The following CTNND2 variants were observed in gnomAD, a reference collection of about 807,000 sequenced individuals.
The protein encoded by CTNND2 is catenin delta 2.
In CTNND2, 22 loss-of-function variants were observed where a neutral mutation model predicts 144.4. The ratio of observed to expected loss-of-function variants is 0.15; its 90% CI spans 0.11 to 0.22. CTNND2 has a LOEUF of 0.22. Among genes scored for constraint, CTNND2 ranks in the 10% least tolerant of loss-of-function variants. The pLI is 1.00. For synonymous variants in CTNND2, 751 were observed against 695.6 expected, an observed-to-expected ratio of 1.08 and a Z score of -1.25; for missense variants, 1,353 against 1,618.8, an observed-to-expected ratio of 0.84 and a Z score of 2.82.
At chr5:10,977,795 C>A (rs1736683604) in intron 21 of CTNND2, among the ~76,000 whole-genome samples, 1 of 152,194 alleles carries the variant, frequency 6.6e-6, no homozygotes, top group Non-Finnish European at 1.5e-5. Flanking sequence ...TGACCTCAGA[C>A]ATTCAAACCA....
At position 11,396,572 on chromosome 5, in the gene CTNND2, G is replaced by T. The variant is rs556733190; in HGVS notation, c.612+459C>A. Among the ~76,000 whole-genome samples the T allele has an allele frequency of 2.0e-5, 3 of 152,190 alleles. No homozygotes were observed. In the South Asian group the frequency reaches 6.2e-4, roughly 32 times the overall value. On this transcript the variant is annotated intron_variant, in intron 6 of 21. Transcript: ENST00000304623. ...TCACAATCATTTTCCAAACAGTTCT[G>T]TTTACCTGATTACACATTTATAGTA...
chr5:11,391,836 G>C (rs987423404), intron 6 of CTNND2, among the ~76,000 whole-genome samples: 4 of 152,192 alleles, frequency 2.6e-5, no homozygotes, highest in African/African-American at 9.7e-5. Context: ...GAAGGGCTGG[G>C]TTTACCTGGT....
At chr5:11,769,112 T>C (rs977148587) in intron 1 of CTNND2, among the ~76,000 whole-genome samples, 1 of 152,142 alleles carries the variant, frequency 6.6e-6, no homozygotes, top group African/African-American at 2.4e-5. Context: ...ATTCTAGGCA[T>C]CAGACTCAGA....
intron 2 of CTNND2, among the ~76,000 whole-genome samples, chr5:11,730,997 A>G (rs1787358712): frequency 6.6e-6 from 1 of 152,194 alleles, no homozygotes; most frequent in South Asian, 2.1e-4. Context: ...ATTTCCCCTA[A>G]AACATAATCA....
chr5:11,305,670 C>A (rs759103757), intron 9 of CTNND2, among the ~76,000 whole-genome samples: 2 of 152,196 alleles, frequency 1.3e-5, no homozygotes, highest in Non-Finnish European at 2.9e-5. Context: ...TAACAAGGAG[C>A]ACCTGCCTCT....
chr5:11,865,902 C>CAAAAAAAAAAACAA (rs1795741511), intron 1 of CTNND2, among the ~76,000 whole-genome samples: 1 of 87,426 alleles, frequency 1.1e-5, no homozygotes, highest in Non-Finnish European at 2.2e-5. Context: ...CTGGAAGAGA[C>CAAAAAAAAAAACAA]AAAAAAAAAA....
chr5:10,977,457 C>CTT (rs34882307), intron 21 of CTNND2, among the ~76,000 whole-genome samples: 7 of 145,578 alleles, frequency 4.8e-5, no homozygotes, highest in Non-Finnish European at 9.1e-5. Context: ...ATAGTTAAGT[C>CTT]TTTTTTTTTT....
rs114365066 is a variant in CTNND2 at position 11,382,258 on chromosome 5, C to G, written c.1177+2407G>C. On this transcript the variant is annotated intron_variant, in intron 7 of 21. Coordinates refer to ENST00000304623, the MANE Select transcript of CTNND2 (RefSeq NM_001332.4). Reference sequence around the variant, plus strand: ...CCAAGGATTTTGGCTGATTTCTTATCCCTAGGATCTAAATCAATGGCAGTA... The same window carrying G: ...CCAAGGATTTTGGCTGATTTCTTATGCCTAGGATCTAAATCAATGGCAGTA... 6.6e-3 allele frequency among the ~76,000 whole-genome samples: 1,012 copies of G among 152,260 alleles called. 3 individuals carry two copies. Among genetic ancestry groups the G allele is most frequent in the Non-Finnish European group, 9.6e-3 (655 of 68,014 alleles).
chr5:11,701,408 A>G (rs1480436586), intron 2 of CTNND2, among the ~76,000 whole-genome samples: 1 of 152,226 alleles, frequency 6.6e-6, no homozygotes, highest in African/African-American at 2.4e-5. Flanking sequence ...TGACAACCTA[A>G]TAACAATATC....
intron 3 of CTNND2, among the ~76,000 whole-genome samples, chr5:11,450,898 CAAAAAAAAAA>C (rs758941655): frequency 0.01 from 816 of 81,516 alleles, 7 homozygotes; most frequent in Non-Finnish European, 0.013. Flanking sequence ...AACTCCATCT[CAAAAAAAAAA>C]AAAAAAAAAA....
chr5:11,719,443 T>C (rs1267024093), intron 2 of CTNND2, among the ~76,000 whole-genome samples: 1 of 152,162 alleles, frequency 6.6e-6, no homozygotes, highest in Non-Finnish European at 1.5e-5. Context: ...AGACTTGTGG[T>C]GGAGACAATG....
At chr5:11,770,166 G>A (rs919994301) in intron 1 of CTNND2, among the ~76,000 whole-genome samples, 1 of 152,108 alleles carries the variant, frequency 6.6e-6, no homozygotes, top group Non-Finnish European at 1.5e-5. Flanking sequence ...CTAGGGCTTA[G>A]GAGACCTCAC....
chr5:11,834,467 T>G (rs1794067996), intron 1 of CTNND2, among the ~76,000 whole-genome samples: 1 of 152,356 alleles, frequency 6.6e-6, no homozygotes, highest in African/African-American at 2.4e-5. Flanking sequence ...GTGAGGGTGA[T>G]GAATATGTTA....
chr5:11,164,744 AGAG>A (rs1310135410), intron 11 of CTNND2, among the ~76,000 whole-genome samples: 1 of 152,230 alleles, frequency 6.6e-6, no homozygotes, highest in African/African-American at 2.4e-5. Flanking sequence ...CTAAACTCAG[AGAG>A]GCTTTCCTGG....
At chr5:11,332,446 T>C (rs1753269556) in intron 9 of CTNND2, among the ~76,000 whole-genome samples, 1 of 152,118 alleles carries the variant, frequency 6.6e-6, no homozygotes, top group Non-Finnish European at 1.5e-5. Flanking sequence ...CTGGCCAGCC[T>C]GTAGTTGTCT....
intron 1 of CTNND2, among the ~76,000 whole-genome samples, chr5:11,772,051 GT>G (rs1249248652): frequency 6.6e-6 from 1 of 152,120 alleles, no homozygotes; most frequent in Admixed American, 6.6e-5. Flanking sequence ...TCTTGGCCAT[GT>G]TTACTTATTT....
chr5:11,783,993 C>T (rs529931332), intron 1 of CTNND2, among the ~76,000 whole-genome samples: 1 of 152,280 alleles, frequency 6.6e-6, no homozygotes, highest in Admixed American at 6.5e-5. Context: ...GCTGGTGACC[C>T]AGCCACGTTC....
At chr5:11,773,977 T>A (rs926798155) in intron 1 of CTNND2, among the ~76,000 whole-genome samples, 4 of 152,136 alleles carry the variant, frequency 2.6e-5, no homozygotes, top group African/African-American at 9.7e-5. Flanking sequence ...TTCTGACCAA[T>A]TTCTTAGAAT....
intron 2 of CTNND2, among the ~76,000 whole-genome samples, chr5:11,621,958 A>G (rs1169112862): frequency 6.6e-6 from 1 of 152,220 alleles, no homozygotes; most frequent in Non-Finnish European, 1.5e-5. Context: ...CAAACAAAAT[A>G]CAGTATTTTT....
Sources: allele counts gnomAD v4.1 joint callset (sites outside exome capture counted in the v4.1 genomes callset), GRCh38; gene constraint gnomAD v4.1.1; transcripts MANE v1.5; gene names NCBI Gene and HGNC (gene_info 2026-07-23, HGNC 2026-07-21).